Variants in SULF2 observed in about 807,000 individuals in gnomAD.
The protein encoded by SULF2 is extracellular sulfatase Sulf-2.
A neutral mutation model predicts 107.7 loss-of-function variants in SULF2; 52 were observed. That is an observed-to-expected ratio of 0.48 (90% CI 0.39 to 0.61). The LOEUF (loss-of-function observed/expected upper bound fraction) is 0.61, where lower values mean the gene tolerates loss of function less well. Among genes scored for constraint, SULF2 ranks in the 20% least tolerant of loss-of-function variants. The pLI is 0.00. For synonymous variants in SULF2, 460 were observed against 464.3 expected (o/e 0.99, Z 0.12); for missense variants, 993 against 1,177.3 (o/e 0.84, Z 2.29).
chr20:47,682,887 G>T, intron 7 of SULF2, 107 bp downstream of exon 7: 2 of 1,168,800 alleles, frequency 1.7e-6, no homozygotes, highest in Non-Finnish European at 2.4e-6. Context: ...GGGTACATCT[G>T]CGAAAACTGT....
intron 18 of SULF2, among the ~76,000 whole-genome samples, chr20:47,660,140 C>T (rs1047318731): frequency 3.3e-5 from 5 of 152,186 alleles, no homozygotes; most frequent in East Asian, 1.9e-4. Flanking sequence ...GGATCAAGTG[C>T]GTGGGCTCCG....
Position 47,755,022 on chromosome 20 carries a change from C to T in SULF2, c.175+2167G>A, listed in dbSNP as rs1018868701. Among the ~76,000 whole-genome samples the T allele has an allele frequency of 7.3e-5, 11 of 151,680 alleles. 1 individual carries two copies. The South Asian group carries it at 1.7e-3, about 23-fold the overall frequency. ...CTGATTTTTACATTTTTTGTTAAGA[C>T]GGGGGGGGTCTCACTATGTTGCCCA... is the stretch of plus-strand genomic sequence containing the variant. On this transcript the variant is annotated intron_variant, in intron 2 of 20. Coordinates refer to ENST00000688720, the MANE Select transcript of SULF2 (RefSeq NM_001387048.1).
Position 47,683,550 on chromosome 20 carries a change from TGGGCTGCAGCCTATGGC to T in SULF2, c.889-398_889-382del, listed in dbSNP as rs533890128. Reference sequence around the variant, plus strand: ...GGTGAATGAATGAATGAGTGAAACTTGGGCTGCAGCCTATGGCAGGATCTTGCGATCTGGAAGGGCGC... The same window carrying T: ...GGTGAATGAATGAATGAGTGAAACTTAGGATCTTGCGATCTGGAAGGGCGC... On this transcript the variant is annotated intron_variant, in intron 6 of 20. Transcript: ENST00000688720. 5.8e-3 allele frequency among the ~76,000 whole-genome samples: 887 copies of T among 152,362 alleles called. 2 individuals carry two copies. The highest frequency in any genetic ancestry group is 9.5e-3 in the Non-Finnish European group (649 of 68,030).
At chr20:47,705,428 C>A (rs149694240) in intron 3 of SULF2, among the ~76,000 whole-genome samples, 1 of 152,280 alleles carries the variant, frequency 6.6e-6, no homozygotes, top group South Asian at 2.1e-4. Flanking sequence ...AATTAAACAG[C>A]GACTGGGCGT....
chr20:47,690,302 G>A lies in SULF2; in HGVS notation c.568-7C>T. On this transcript the variant is annotated splice_polypyrimidine_tract_variant and splice_region_variant and intron_variant, in intron 4 of 20. Coordinates refer to ENST00000688720, the MANE Select transcript of SULF2 (RefSeq NM_001387048.1). ...TGAGGTCTGTGAGGTAATCCTGGGG[G>A]GTGGGGAGAGACAGGAGAACAGGTG... 1 of 1,460,736 alleles carries A rather than the reference G, an allele frequency of 6.8e-7. No homozygotes were observed. The highest frequency in any genetic ancestry group is 9.1e-7 in the Non-Finnish European group (1 of 1,097,096). The allele number at this position is 1,460,736 out of a possible 1,614,324, so 90.5% of individuals were successfully genotyped here.
At chr20:47,685,080 G>A (rs1362342697) in intron 5 of SULF2, 1 of 152,756 alleles carries the variant, frequency 6.5e-6, no homozygotes, top group African/African-American at 2.4e-5. Flanking sequence ...AGTTATTGTG[G>A]TTAAGGTAGG....
chr20:47,663,437 C>A lies in SULF2; in HGVS notation c.2227+16G>T, dbSNP rs570215294. The A allele has an allele frequency of 1.9e-6, 3 of 1,605,714 alleles. No homozygotes were observed. Among genetic ancestry groups the A allele is most frequent in the Non-Finnish European group, 2.5e-6 (3 of 1,179,958 alleles). On this transcript the variant is annotated intron_variant, in intron 16 of 20. Coordinates refer to ENST00000688720, the MANE Select transcript of SULF2 (RefSeq NM_001387048.1). The stretch of plus-strand genomic sequence containing the variant: ...CTGGGCCTCAGCCTGTCCACCCCTG[C>A]CCTGGGCTTGCTCACGTGTCCAGAA...
At chr20:47,664,004 C>CT in intron 15 of SULF2, 126 bp downstream of exon 15, 1 of 1,016,146 alleles carries the variant, frequency 9.8e-7, no homozygotes, top group Non-Finnish European at 1.4e-6. Flanking sequence ...TCTTCGAGGG[C>CT]TACCGTGGAC....
chr20:47,661,698 G>A, intron 18 of SULF2, 75 bp downstream of exon 18: 1 of 1,366,176 alleles, frequency 7.3e-7, no homozygotes, highest in Non-Finnish European at 9.6e-7. Context: ...CATTCTTGGG[G>A]TAGACACCAC....
At chr20:47,776,041 T>G (rs1235954809) in intron 1 of SULF2, among the ~76,000 whole-genome samples, 1 of 152,060 alleles carries the variant, frequency 6.6e-6, no homozygotes, top group East Asian at 1.9e-4. Flanking sequence ...CCCCACTTCC[T>G]CTCCAGCTCT....
At chr20:47,670,337 C>A (rs1022452392) in intron 11 of SULF2, among the ~76,000 whole-genome samples, 2 of 151,968 alleles carry the variant, frequency 1.3e-5, no homozygotes, top group Non-Finnish European at 2.9e-5. Context: ...GGACTACAGG[C>A]GCCCACCACC....
intron 3 of SULF2, among the ~76,000 whole-genome samples, chr20:47,704,957 C>T (rs2088682920): frequency 6.6e-6 from 1 of 152,208 alleles, no homozygotes; most frequent in Non-Finnish European, 1.5e-5. Flanking sequence ...ACAGAGCCAC[C>T]TGGCCCTGGG....
chr20:47,705,942 G>A (rs749769939), intron 3 of SULF2, among the ~76,000 whole-genome samples: 24 of 151,834 alleles, frequency 1.6e-4, no homozygotes, highest in Non-Finnish European at 8.8e-5. Context: ...GGGACTACAA[G>A]CGTGCACCAT....
intron 6 of SULF2, 50 bp downstream of exon 6, chr20:47,684,381 G>C: frequency 6.5e-7 from 1 of 1,547,932 alleles, no homozygotes; most frequent in African/African-American, 1.4e-5. Flanking sequence ...CCCTGGCCTG[G>C]CTGGGGGTTC....
intron 3 of SULF2, among the ~76,000 whole-genome samples, chr20:47,714,946 C>T (rs1345716154): frequency 1.3e-5 from 2 of 152,242 alleles, no homozygotes; most frequent in East Asian, 1.9e-4. Context: ...AATACAGGGT[C>T]GCACTCTGTC....
intron 3 of SULF2, among the ~76,000 whole-genome samples, chr20:47,715,582 ATTTTTT>A (rs11476982): frequency 1.5e-5 from 2 of 137,394 alleles, no homozygotes; most frequent in African/African-American, 5.3e-5. Context: ...GGGAATGTCG[ATTTTTT>A]TTTTTTTTTT....
At chr20:47,699,684 C>T (rs907238212) in intron 4 of SULF2, among the ~76,000 whole-genome samples, 5 of 152,188 alleles carry the variant, frequency 3.3e-5, no homozygotes, top group Admixed American at 6.5e-5. Context: ...GGCTGCAGGC[C>T]CATGGGTCAG....
chr20:47,661,913 T>C lies in SULF2; in HGVS notation c.2371-17A>G, dbSNP rs555825730. ...ATTCATCAGCTGGTTGCAAAAAAGGTAGTCTGTCAACAAGGTAAGTACAGG... is the reference window on the plus strand; with the variant it reads ...ATTCATCAGCTGGTTGCAAAAAAGGCAGTCTGTCAACAAGGTAAGTACAGG... On this transcript the variant is annotated splice_polypyrimidine_tract_variant and intron_variant, in intron 17 of 20. Coordinates refer to ENST00000688720, the MANE Select transcript of SULF2 (RefSeq NM_001387048.1). 2.6e-6 allele frequency: 4 copies of C among 1,534,866 alleles called. No individual in the cohort carries two copies. Among genetic ancestry groups the C allele is most frequent in the Admixed American group, 1.8e-5 (1 of 55,260 alleles).
chr20:47,714,773 G>A (rs974902800), intron 3 of SULF2, among the ~76,000 whole-genome samples: 1 of 152,024 alleles, frequency 6.6e-6, no homozygotes, highest in African/African-American at 2.4e-5. Flanking sequence ...CTCCTGTCCT[G>A]GGGTCTCCCT....
Sources: allele counts gnomAD v4.1 joint callset (sites outside exome capture counted in the v4.1 genomes callset), GRCh38; gene constraint gnomAD v4.1.1; transcripts MANE v1.5; gene names NCBI Gene and HGNC (gene_info 2026-07-23, HGNC 2026-07-21).